The following PIGG variants were observed in gnomAD, a reference collection of about 807,000 sequenced individuals.
PIGG encodes the protein phosphatidylinositol glycan anchor biosynthesis class G (EMM blood group), also known as GPI ethanolamine phosphate transferase 2, catalytic subunit.
A neutral mutation model predicts 83.2 loss-of-function variants in PIGG; 70 were observed. The ratio of observed to expected loss-of-function variants is 0.84; its 90% CI spans 0.69 to 1.03. The LOEUF (loss-of-function observed/expected upper bound fraction) is 1.03. Among genes scored for constraint, PIGG ranks in the 50% least tolerant of loss-of-function variants. The pLI is 0.00. For missense variants in PIGG, 1,257 were observed against 1,233.6 expected (o/e 1.02, Z -0.28); for synonymous variants, 532 against 519.5 (o/e 1.02, Z -0.33).
intron 1 of PIGG, chr4:499,997 C>T (rs1717011974): frequency 4.3e-6 from 1 of 230,222 alleles, no homozygotes; most frequent in Admixed American, 5.1e-5. Flanking sequence ...TAAAGGCGCC[C>T]TGGTTCTGGA....
intron 8 of PIGG, chr4:522,572 T>C (rs1726320872): frequency 6.0e-6 from 1 of 167,520 alleles, no homozygotes; most frequent in Non-Finnish European, 1.3e-5. Flanking sequence ...CCCACTGCAG[T>C]GGCAGCAGGA....
chr4:521,601 T>A (rs1203311733), intron 7 of PIGG, 59 bp from the exon 8 acceptor site: 15 of 1,547,502 alleles, frequency 9.7e-6, no homozygotes, highest in Non-Finnish European at 8.8e-6. Flanking sequence ...CTGGGCTTAT[T>A]TTTAAGTGGG....
intron 12 of PIGG, among the ~76,000 whole-genome samples, chr4:534,938 C>T (rs577821953): frequency 9.7e-4 from 148 of 152,234 alleles, no homozygotes; most frequent in African/African-American, 3.3e-3. Context: ...GAAGTTCTCC[C>T]GGGGAAACCC....
intron 2 of PIGG, among the ~76,000 whole-genome samples, chr4:503,599 C>T (rs1356103502): frequency 1.3e-5 from 2 of 152,142 alleles, no homozygotes; most frequent in African/African-American, 4.8e-5. Flanking sequence ...GGTCTCAGCT[C>T]AAGTGGCACT....
chr4:500,318 A>G, intron 1 of PIGG, 78 bp from the exon 2 acceptor site: 2 of 1,022,284 alleles, frequency 2.0e-6, no homozygotes, highest in Non-Finnish European at 3.0e-6. Context: ...AGAAGTAGGT[A>G]GAAGCTAGAT....
rs1380463727 is a variant in PIGG, at chr4:523,098, CAGGA to C, written c.1615-360_1615-357del. ...AAGCGGGAGCGTGGAGGGCCGGGTC[CAGGA>C]GCCTTTGGGCAAGCTCTCTGGGCTG... On this transcript the variant is annotated intron_variant, in intron 8 of 12. Coordinates refer to ENST00000453061, the MANE Select transcript of PIGG (RefSeq NM_001127178.3). Among the ~76,000 whole-genome samples, 291 of 152,280 alleles carry C rather than the reference CAGGA, an allele frequency of 1.9e-3. 1 individual carries two copies. The highest frequency in any genetic ancestry group is 6.6e-3 in the African/African-American group (274 of 41,558).
chr4:509,994 C>A (rs1721324557), intron 5 of PIGG, among the ~76,000 whole-genome samples: 1 of 152,094 alleles, frequency 6.6e-6, no homozygotes, highest in East Asian at 1.9e-4. Flanking sequence ...TCTCTTTTGC[C>A]CACCATGATC....
Position 507,459 on chromosome 4 carries a change from G to A in PIGG, c.625G>A (p.Asp209Asn), listed in dbSNP as rs1560284368. The A allele has an allele frequency of 6.2e-7, 1 of 1,613,934 alleles. No homozygotes were observed. The highest frequency in any genetic ancestry group is 8.5e-7 in the Non-Finnish European group (1 of 1,179,820). The stretch of plus-strand genomic sequence containing the variant: ...TAAAGTATTAAAAAGAGGAGATTGG[G>A]ACATATTAATCCTCCACTACCTGGG... ...LDKVLKRGDW[D>N]ILILHYLGLD... The change falls in exon 4 of 13, where the codon GAC becomes AAC. Residue 209 changes from aspartate (D) to asparagine (N), a missense_variant. By Grantham distance (23) the Asp-to-Asn change is conservative. Transcript: ENST00000453061.
intron 2 of PIGG, among the ~76,000 whole-genome samples, chr4:505,459 CAAAAAAAAAAAAAAA>C (rs35308755): frequency 2.2e-5 from 1 of 45,008 alleles, no homozygotes; most frequent in Non-Finnish European, 3.9e-5. Context: ...CTGTATCTAC[CAAAAAAAAAAAAAAA>C]AAAAAAAAAA....
chr4:535,148 C>T (rs1730164789), intron 12 of PIGG, among the ~76,000 whole-genome samples: 1 of 152,180 alleles, frequency 6.6e-6, no homozygotes, highest in Non-Finnish European at 1.5e-5. Flanking sequence ...TGGAGTGTGG[C>T]GGGGGTGGGT....
intron 11 of PIGG, chr4:532,943 G>A (rs1206269058): frequency 6.5e-6 from 1 of 152,984 alleles, no homozygotes; most frequent in Non-Finnish European, 1.5e-5. Context: ...GTGGAAGGGT[G>A]TGGTCTTGGA....
chr4:505,225 G>A (rs1321920144), intron 2 of PIGG, among the ~76,000 whole-genome samples: 2 of 152,016 alleles, frequency 1.3e-5, no homozygotes, highest in African/African-American at 4.8e-5. Context: ...CCTCTTGTCA[G>A]CTGGAAAGAT....
intron 6 of PIGG, among the ~76,000 whole-genome samples, chr4:518,787 A>G (rs949189616): frequency 3.3e-5 from 5 of 151,968 alleles, no homozygotes; most frequent in Admixed American, 1.3e-4. Context: ...CTGGCGGCCC[A>G]TTGTCTACAC....
At chr4:507,728 C>T (rs559017583) in intron 4 of PIGG, 135 bp downstream of exon 4, 2 of 731,516 alleles carry the variant, frequency 2.7e-6, no homozygotes, top group African/African-American at 1.8e-5. Context: ...GGGCCGCATG[C>T]CACACGGGCA....
chr4:505,851 C>T lies in PIGG; in HGVS notation c.494C>T (p.Thr165Ile), dbSNP rs1553878822. 2 of 1,613,090 alleles carry T rather than the reference C, an allele frequency of 1.2e-6. No homozygotes were observed. Among genetic ancestry groups the T allele is most frequent in the Admixed American group, 3.3e-5 (2 of 59,860 alleles). ...AGAATAGTCTTTTATGGAGATGAAA[C>T]CTGGGTTAAATTATTCCCAAAGCAT... ...GKRIVFYGDE[T>I]WVKLFPKHFV... The change falls in exon 3 of 13, where the codon ACC (threonine) becomes ATC (isoleucine). Residue 165 changes from threonine (T) to isoleucine (I), a missense_variant. Coordinates refer to ENST00000453061, the MANE Select transcript of PIGG (RefSeq NM_001127178.3).
chr4:534,344 T>C (rs1201849552), intron 12 of PIGG, among the ~76,000 whole-genome samples: 2 of 152,080 alleles, frequency 1.3e-5, no homozygotes, highest in African/African-American at 4.8e-5. Flanking sequence ...GGAGGGCGGG[T>C]CGTCCTTCCC....
At position 527,243 on chromosome 4, in the gene PIGG, C is replaced by T. The variant is rs760444554; in HGVS notation, c.2261+13C>T. 73 of 1,567,694 alleles carry T rather than the reference C, an allele frequency of 4.7e-5. 1 individual carries two copies. In the South Asian group the frequency reaches 5.8e-4, roughly 12 times the overall value. On this transcript the variant is annotated intron_variant, in intron 10 of 12. Transcript: ENST00000453061. Reference sequence around the variant, plus strand: ...AGGACATTTCCAAGTAAGTGCGTGGCGGACACGGGGTGCATAGAGCCACTT... The same window carrying T: ...AGGACATTTCCAAGTAAGTGCGTGGTGGACACGGGGTGCATAGAGCCACTT...
At chr4:499,562 C>G (rs1388707085) in intron 1 of PIGG, 73 bp downstream of exon 1, 2 of 1,472,892 alleles carry the variant, frequency 1.4e-6, no homozygotes, top group Middle Eastern at 2.4e-4. Flanking sequence ...CTGAGCCTCG[C>G]TGCTCGGATT....
chr4:507,838 C>T (rs911174549), intron 4 of PIGG, among the ~76,000 whole-genome samples: 1 of 152,220 alleles, frequency 6.6e-6, no homozygotes, highest in African/African-American at 2.4e-5. Context: ...CAACTAATAC[C>T]TCCTGAAGAC....
Sources: allele counts gnomAD v4.1 joint callset (sites outside exome capture counted in the v4.1 genomes callset), GRCh38; gene constraint gnomAD v4.1.1; transcripts MANE v1.5; gene names NCBI Gene and HGNC (gene_info 2026-07-23, HGNC 2026-07-21).